TECTA: variants seen among roughly 807,000 people sequenced by gnomAD.
TECTA encodes alpha-tectorin.
In TECTA, 128 loss-of-function variants were observed where a neutral mutation model predicts 216.8. The ratio of observed to expected loss-of-function variants is 0.59; its 90% CI spans 0.51 to 0.68. The LOEUF (loss-of-function observed/expected upper bound fraction) is 0.68. Among genes scored for constraint, TECTA ranks in the 30% least tolerant of loss-of-function variants. TECTA has a pLI of 0.00. For synonymous variants in TECTA, 1,089 were observed against 1,117.1 expected (o/e 0.97, Z 0.50); for missense variants, 2,551 against 2,786.2 (o/e 0.92, Z 1.90).
intron 7 of TECTA, among the ~76,000 whole-genome samples, chr11:121,121,009 T>G (rs913920582): frequency 3.9e-5 from 6 of 152,150 alleles, no homozygotes; most frequent in Non-Finnish European, 8.8e-5. Flanking sequence ...CGGCCTCTCC[T>G]CAGCACTGGG....
chr11:121,159,643 A>G (rs1946978671), intron 14 of TECTA, among the ~76,000 whole-genome samples: 2 of 152,230 alleles, frequency 1.3e-5, no homozygotes, highest in Non-Finnish European at 2.9e-5. Context: ...CAAGAAAACG[A>G]TAAATATGGC....
intron 22 of TECTA, 145 bp from the exon 23 acceptor site, chr11:121,189,619 C>A: frequency 1.4e-6 from 1 of 721,080 alleles, no homozygotes; most frequent in Non-Finnish European, 2.5e-6. Context: ...CGTGATCCAC[C>A]CGCCTCGGCC....
At chr11:121,132,526 A>T (rs1946685181) in intron 10 of TECTA, among the ~76,000 whole-genome samples, 1 of 152,050 alleles carries the variant, frequency 6.6e-6, no homozygotes, top group Non-Finnish European at 1.5e-5. Flanking sequence ...TTCTTCCTAG[A>T]GTGTCATTGA....
chr11:121,160,019 T>G, intron 14 of TECTA, 116 bp from the exon 15 acceptor site: 17 of 1,175,420 alleles, frequency 1.4e-5, no homozygotes, highest in Middle Eastern at 2.4e-4. Flanking sequence ...ATGGAGTCGT[T>G]GAGACAGAGA....
In TECTA at chr11:121,162,321, C is replaced by A; in HGVS notation, c.5223C>A (p.Cys1741Ter). ...CGSLAAYGEA[C>*]RSFGILSTEW... ...CCCTGGCCGCCTACGGGGAGGCCTG[C>A]CGCTCCTTCGGGATCCTTAGCACCG... Residue 1741 changes from cysteine to a stop codon, truncating the protein, a stop_gained, in exon 16 of 24, where the codon TGC becomes TGA. Transcript: ENST00000392793. LOFTEE classifies it high-confidence loss of function. 6.2e-7 allele frequency: 1 copy of A among 1,613,696 alleles called. No homozygotes were observed. The highest frequency in any genetic ancestry group is 8.5e-7 in the Non-Finnish European group (1 of 1,180,050).
At chr11:121,182,506 C>A (rs1291478198) in intron 20 of TECTA, among the ~76,000 whole-genome samples, 4 of 152,182 alleles carry the variant, frequency 2.6e-5, no homozygotes, top group Non-Finnish European at 1.5e-5. Flanking sequence ...AGATGATGTG[C>A]ATGGGTGCTG....
chr11:121,160,651 A>T (rs541207713), intron 15 of TECTA, among the ~76,000 whole-genome samples: 1 of 152,184 alleles, frequency 6.6e-6, no homozygotes, highest in Non-Finnish European at 1.5e-5. Flanking sequence ...TCTAATTTTC[A>T]TGTCATCCAG....
rs772553666 is a variant in TECTA, at chr11:121,125,620, A to C, written c.1522A>C (p.Thr508Pro). ...KCDSGCVDNC[T>P]QCDAATEALY... The stretch of plus-strand genomic sequence containing the variant: ...CGACTCCGGCTGCGTCGACAACTGC[A>C]CCCAGTGCGACGCTGCCACTGAAGC... Residue 508 changes from threonine to proline, a missense_variant, in exon 8 of 24, where the codon ACC (threonine) becomes CCC (proline). By Grantham distance (38) the Thr-to-Pro change is conservative (BLOSUM62 -1). Coordinates refer to ENST00000392793, the MANE Select transcript of TECTA (RefSeq NM_005422.4). 27 of 1,613,252 alleles carry C rather than the reference A, an allele frequency of 1.7e-5. No individual in the cohort carries two copies. The highest frequency in any genetic ancestry group is 1.2e-4 in the Admixed American group (7 of 59,970).
chr11:121,158,222 A>G lies in TECTA; in HGVS notation c.4687A>G (p.Lys1563Glu), dbSNP rs761108635. The change falls in exon 14 of 24, where the codon AAG becomes GAG. Residue 1563 changes from lysine (K) to glutamate (E), a missense_variant and splice_region_variant. By Grantham distance (56) the Lys-to-Glu change is moderately conservative. Transcript: ENST00000392793. ...TCTCATCAACGACCGGAACACGGTC[A>G]AGGTAACCAGCCTGGCGGCCATTCT... ...QILINDRNTV[K>E]VNGTQVNVPF... The G allele has an allele frequency of 6.2e-7, 1 of 1,612,092 alleles. No homozygotes were observed. The highest frequency in any genetic ancestry group is 1.3e-5 in the African/African-American group (1 of 74,954).
Position 121,127,981 on chromosome 11 carries a change from GGCCAACT to G in TECTA, c.2007_2013del (p.Asn670LeufsTer69). 1 of 1,614,076 alleles carries G rather than the reference GGCCAACT, an allele frequency of 6.2e-7. No individual in the cohort carries two copies. The highest frequency in any genetic ancestry group is 1.3e-5 in the African/African-American group (1 of 75,066). On this transcript the variant is annotated frameshift_variant, in exon 9 of 24. Coordinates refer to ENST00000392793, the MANE Select transcript of TECTA (RefSeq NM_005422.4). LOFTEE classifies it high-confidence loss of function. This position sits in a 1 kb window ranked among gnomAD's most constrained non-coding sequence, Gnocchi z 5.0. ...CCATGGGGGAGTTCTTCTGGGCCAC[GGCCAACT>G]GCACTGTGCAATGCCTGTGCGAGGA... is the stretch of plus-strand genomic sequence containing the variant.
At chr11:121,153,168 C>T (rs1371179483) in intron 13 of TECTA, 88 bp downstream of exon 13, 3 of 1,471,106 alleles carry the variant, frequency 2.0e-6, no homozygotes, top group African/African-American at 2.8e-5. Flanking sequence ...GACCAATTTT[C>T]CCACTTCATT....
chr11:121,167,512 G>T (rs1254132594), intron 18 of TECTA, among the ~76,000 whole-genome samples: 1 of 152,206 alleles, frequency 6.6e-6, no homozygotes, highest in African/African-American at 2.4e-5. Context: ...AGATTATCCA[G>T]TGTATAGGTT....
rs1379432028 is a variant in TECTA, at chr11:121,118,445, ATTC to A, written c.935_937del (p.Phe312del). The A allele has an allele frequency of 2.5e-6, 4 of 1,614,016 alleles. No homozygotes were observed. Among genetic ancestry groups the A allele is most frequent in the Non-Finnish European group, 8.5e-7 (1 of 1,180,042 alleles). Reference sequence around the variant, plus strand: ...ACGAGGTGTGCGAACCCAAAGGCAAATTCTTCTACTGCAGCGCTGTGGAGACCA... The same window carrying A: ...ACGAGGTGTGCGAACCCAAAGGCAAATTCTACTGCAGCGCTGTGGAGACCA... On this transcript the variant is annotated inframe_deletion, in exon 7 of 24. Transcript: ENST00000392793.
chr11:121,113,956 C>G lies in TECTA; in HGVS notation c.790+238C>G, dbSNP rs1203539048. On this transcript the variant is annotated intron_variant, in intron 6 of 23. Transcript: ENST00000392793. The surrounding 1 kb of genome is among the most constrained non-coding windows in gnomAD (Gnocchi z 4.2). The stretch of plus-strand genomic sequence containing the variant: ...TTTTCTGGAGTGTGCACACAGTTAT[C>G]CGTTCTGAACAACTCCGAAATGGAC... Among the ~76,000 whole-genome samples, 3 of 152,168 alleles carry G rather than the reference C, an allele frequency of 2.0e-5. No individual in the cohort carries two copies. Among genetic ancestry groups the G allele is most frequent in the African/African-American group, 2.4e-5 (1 of 41,434 alleles).
At chr11:121,111,397 C>T (rs544632066) in intron 4 of TECTA, among the ~76,000 whole-genome samples, 5 of 152,312 alleles carry the variant, frequency 3.3e-5, no homozygotes, top group East Asian at 1.9e-4. Flanking sequence ...CTGCCTCCTG[C>T]GGGTATTGCT....
intron 20 of TECTA, among the ~76,000 whole-genome samples, chr11:121,175,131 T>C (rs552021082): frequency 1.3e-5 from 2 of 152,072 alleles, no homozygotes; most frequent in Admixed American, 6.5e-5. Flanking sequence ...GTTGATCCTT[T>C]CAAAAAACCA....
intron 7 of TECTA, among the ~76,000 whole-genome samples, chr11:121,124,306 C>T (rs1946585749): frequency 6.6e-6 from 1 of 152,146 alleles, no homozygotes; most frequent in African/African-American, 2.4e-5. Context: ...CTTGCCTGTA[C>T]CTCCAGCCTC....
Position 121,189,078 on chromosome 11 carries a change from A to T in TECTA, c.6163-2A>T, listed in dbSNP as rs876657661. The stretch of plus-strand genomic sequence containing the variant: ...ATTTCCCCCTGGTATTCTGTCTTGC[A>T]GACTTGCCCACACAATTCCAGGATT... On this transcript the variant is annotated splice_acceptor_variant, in intron 21 of 23. Coordinates refer to ENST00000392793, the MANE Select transcript of TECTA (RefSeq NM_005422.4). LOFTEE classifies it high-confidence loss of function. The T allele has an allele frequency of 5.6e-6, 9 of 1,614,066 alleles. No homozygotes were observed. Among genetic ancestry groups the T allele is most frequent in the Non-Finnish European group, 7.6e-6 (9 of 1,180,012 alleles).
intron 6 of TECTA, among the ~76,000 whole-genome samples, chr11:121,117,850 C>T (rs3824958): frequency 1.3e-5 from 2 of 152,152 alleles, no homozygotes; most frequent in Admixed American, 1.3e-4. Flanking sequence ...ATACTGGGCC[C>T]CCAACAAATG....
Sources: allele counts gnomAD v4.1 joint callset (sites outside exome capture counted in the v4.1 genomes callset), GRCh38; gene constraint gnomAD v4.1.1; non-coding constraint Gnocchi (gnomAD v3.1); transcripts MANE v1.5; gene names NCBI Gene and HGNC (gene_info 2026-07-23, HGNC 2026-07-21).